The following EFCAB6 variants were observed in gnomAD, a reference collection of about 807,000 sequenced individuals.
The protein encoded by EFCAB6 is EF-hand calcium binding domain 6.
EFCAB6 carries 156 observed loss-of-function variants against 169.8 expected under a neutral mutation model. That is an observed-to-expected ratio of 0.92 (90% CI 0.81 to 1.05). The LOEUF is 1.05. Among genes scored for constraint, EFCAB6 ranks in the 50% least tolerant of loss-of-function variants. The probability of loss-of-function intolerance (pLI) is 0.00; values close to 1 mark genes in which losing one functional copy is unlikely to be tolerated. For missense variants in EFCAB6, 1,800 were observed against 1,829.1 expected (o/e 0.98, Z 0.29); for synonymous variants, 698 against 676.4 (o/e 1.03, Z -0.50).
chr22:43,745,678 C>T (rs2060535352), intron 6 of EFCAB6, among the ~76,000 whole-genome samples: 1 of 152,176 alleles, frequency 6.6e-6, no homozygotes, highest in Non-Finnish European at 1.5e-5. Context: ...TTAAGAAGTA[C>T]AGATTTGAAA....
intron 24 of EFCAB6, among the ~76,000 whole-genome samples, chr22:43,583,552 T>C (rs562969878): frequency 1.3e-5 from 2 of 152,102 alleles, no homozygotes; most frequent in East Asian, 3.9e-4. Context: ...TATGGCCTAT[T>C]TGTGTCCCCT....
intron 17 of EFCAB6, among the ~76,000 whole-genome samples, chr22:43,660,247 T>C (rs2056938911): frequency 6.6e-6 from 1 of 152,222 alleles, no homozygotes. Flanking sequence ...TATTTTGTCA[T>C]GTTATGTTCC....
chr22:43,787,099 G>A (rs2062105924), intron 2 of EFCAB6, among the ~76,000 whole-genome samples: 2 of 152,046 alleles, frequency 1.3e-5, no homozygotes, highest in Non-Finnish European at 2.9e-5. Context: ...ACACTCACAG[G>A]TAATGTCATA....
intron 23 of EFCAB6, among the ~76,000 whole-genome samples, chr22:43,593,564 T>C (rs12628583): frequency 0.11 from 16,429 of 152,234 alleles, 1,213 homozygotes; most frequent in South Asian, 0.22. Context: ...ATATTTTACT[T>C]CGAATTTCAC....
Position 43,572,406 on chromosome 22 carries a change from G to A in EFCAB6, c.3420+3891C>T, listed in dbSNP as rs747055565. ...ACAGCAGACATGGAGCTTCAAGCCC[G>A]GTCTTCTCCACTTGCAGGTCCTTTA... On this transcript the variant is annotated intron_variant, in intron 26 of 31. Transcript: ENST00000262726. This position sits in a 1 kb window ranked among gnomAD's most constrained non-coding sequence, Gnocchi z 4.0. Among the ~76,000 whole-genome samples, 1 of 152,136 alleles carries A rather than the reference G, an allele frequency of 6.6e-6. No individual in the cohort carries two copies. The highest frequency in any genetic ancestry group is 1.9e-4 in the East Asian group (1 of 5,182).
At chr22:43,736,690 G>T (rs2060153370) in intron 6 of EFCAB6, among the ~76,000 whole-genome samples, 1 of 152,100 alleles carries the variant, frequency 6.6e-6, no homozygotes, top group East Asian at 1.9e-4. Context: ...GGAGCACCCA[G>T]TTGTGCTCTT....
At chr22:43,788,807 A>T (rs1451820140) in intron 2 of EFCAB6, among the ~76,000 whole-genome samples, 1 of 152,266 alleles carries the variant, frequency 6.6e-6, no homozygotes, top group South Asian at 2.1e-4. Flanking sequence ...ATTATTCACA[A>T]TAGACAAGAA....
intron 26 of EFCAB6, among the ~76,000 whole-genome samples, chr22:43,574,874 G>C (rs2050138619): frequency 6.6e-6 from 1 of 152,174 alleles, no homozygotes; most frequent in Non-Finnish European, 1.5e-5. Flanking sequence ...AATACCAAGG[G>C]ACAGCAGGGA....
chr22:43,579,733 T>G (rs1002011042), intron 25 of EFCAB6, among the ~76,000 whole-genome samples: 6 of 150,702 alleles, frequency 4.0e-5, no homozygotes, highest in African/African-American at 1.5e-4. Flanking sequence ...CATGCAGGCA[T>G]CATTCCCTAC....
intron 6 of EFCAB6, among the ~76,000 whole-genome samples, chr22:43,738,509 ACACCAT>A (rs1380457412): frequency 6.9e-6 from 1 of 145,960 alleles, no homozygotes; most frequent in African/African-American, 2.7e-5. Context: ...ATACTCACAC[ACACCAT>A]ATCTCACACA....
chr22:43,651,194 A>T (rs1478044966), intron 17 of EFCAB6, among the ~76,000 whole-genome samples: 1 of 152,198 alleles, frequency 6.6e-6, no homozygotes, highest in Admixed American at 6.5e-5. Flanking sequence ...TCTAGGAGGA[A>T]AAAGCAGTTT....
intron 8 of EFCAB6, among the ~76,000 whole-genome samples, chr22:43,722,482 G>T (rs1482204147): frequency 6.6e-6 from 1 of 150,382 alleles, no homozygotes; most frequent in East Asian, 2.0e-4. Flanking sequence ...AGTGAGCCGG[G>T]ATCGCGCTGC....
At chr22:43,720,966 C>A (rs1375447606) in intron 8 of EFCAB6, among the ~76,000 whole-genome samples, 1 of 152,116 alleles carries the variant, frequency 6.6e-6, no homozygotes, top group Non-Finnish European at 1.5e-5. Context: ...TGATTCTATA[C>A]CTAGAAAACC....
intron 27 of EFCAB6, chr22:43,540,590 T>A: frequency 1.4e-6 from 2 of 1,458,290 alleles, no homozygotes; most frequent in Non-Finnish European, 1.8e-6. Context: ...CTGCAGGACA[T>A]TTTTTAATTG....
In EFCAB6 at chr22:43,563,611, C is replaced by G. The variant is rs566497638; in HGVS notation, c.3421-8515G>C. On this transcript the variant is annotated intron_variant, in intron 26 of 31. Coordinates refer to ENST00000262726, the MANE Select transcript of EFCAB6 (RefSeq NM_022785.4). ...ACAAACCAGCCACCTCAACGGCAGG[C>G]CTGGGATTTCACCAACACAACCCTC... Among the ~76,000 whole-genome samples, 557 of 152,282 alleles carry G rather than the reference C, an allele frequency of 3.7e-3. 3 individuals are homozygous for G. The highest frequency in any genetic ancestry group is 5.4e-3 in the Non-Finnish European group (365 of 68,012).
intron 21 of EFCAB6, among the ~76,000 whole-genome samples, chr22:43,613,302 C>A (rs2053456367): frequency 6.6e-6 from 1 of 151,290 alleles, no homozygotes; most frequent in Non-Finnish European, 1.5e-5. Flanking sequence ...TATAAAGATA[C>A]ATGCACGGGT....
intron 21 of EFCAB6, among the ~76,000 whole-genome samples, chr22:43,609,417 ATAC>A (rs1471662468): frequency 1.3e-5 from 2 of 152,250 alleles, no homozygotes; most frequent in African/African-American, 2.4e-5. Context: ...ATACACAGGA[ATAC>A]AAAGAATCCA....
At chr22:43,656,334 T>C (rs183471867) in intron 17 of EFCAB6, among the ~76,000 whole-genome samples, 3 of 151,396 alleles carry the variant, frequency 2.0e-5, no homozygotes, top group Non-Finnish European at 4.4e-5. Flanking sequence ...AGATTTGCAG[T>C]GAGCCAAGAT....
At chr22:43,623,739 C>CG (rs1208899590) in intron 20 of EFCAB6, among the ~76,000 whole-genome samples, 2 of 95,268 alleles carry the variant, frequency 2.1e-5, no homozygotes, top group African/African-American at 3.9e-5. Context: ...ACTAAAAATA[C>CG]AAAAAAAAAA....
Sources: allele counts gnomAD v4.1 joint callset (sites outside exome capture counted in the v4.1 genomes callset), GRCh38; gene constraint gnomAD v4.1.1; non-coding constraint Gnocchi (gnomAD v3.1); transcripts MANE v1.5; gene names NCBI Gene and HGNC (gene_info 2026-07-23, HGNC 2026-07-21).